The following AKAP13 variants were observed in gnomAD, a reference collection of about 807,000 sequenced individuals.
The protein encoded by AKAP13 is A-kinase anchor protein 13.
A neutral mutation model predicts 264.5 loss-of-function variants in AKAP13; 80 were observed. The ratio of observed to expected loss-of-function variants is 0.30; its 90% CI spans 0.25 to 0.36. The LOEUF (loss-of-function observed/expected upper bound fraction) is 0.36. AKAP13 is among the 10% of genes least tolerant of loss of function. The pLI is 1.00. For missense variants in AKAP13, 3,712 were observed against 3,435.2 expected (o/e 1.08, Z -2.01); for synonymous variants, 1,380 against 1,250.2 (o/e 1.10, Z -2.19).
intron 5 of AKAP13, among the ~76,000 whole-genome samples, chr15:85,562,126 A>G (rs1247894137): frequency 6.6e-6 from 1 of 152,222 alleles, no homozygotes; most frequent in African/African-American, 2.4e-5. Context: ...ACGAGAGTAA[A>G]TGAGATGATG....
At chr15:85,455,798 T>G (rs968173631) in intron 1 of AKAP13, among the ~76,000 whole-genome samples, 1 of 152,118 alleles carries the variant, frequency 6.6e-6, no homozygotes, top group African/African-American at 2.4e-5. Flanking sequence ...GATTACAGAT[T>G]GTTGAATCTA....
At chr15:85,673,044 A>T (rs1314427692) in intron 14 of AKAP13, among the ~76,000 whole-genome samples, 2 of 152,182 alleles carry the variant, frequency 1.3e-5, no homozygotes, top group East Asian at 3.8e-4. Flanking sequence ...TAAAGAAATT[A>T]TTAGTTTCCT....
At chr15:85,413,675 C>G (rs550384236) in intron 1 of AKAP13, among the ~76,000 whole-genome samples, 4 of 152,176 alleles carry the variant, frequency 2.6e-5, no homozygotes, top group African/African-American at 9.7e-5. Flanking sequence ...TGTGTCATCA[C>G]GGTTTCAGCT....
chr15:85,529,236 G>A (rs961677273), intron 3 of AKAP13, among the ~76,000 whole-genome samples: 5 of 152,030 alleles, frequency 3.3e-5, no homozygotes, highest in Non-Finnish European at 7.4e-5. Flanking sequence ...CCTGGCTAAT[G>A]CAATGAAACC....
In AKAP13 at chr15:85,638,934, A is replaced by G. The variant is rs528872790; in HGVS notation, c.4162-440A>G. Among the ~76,000 whole-genome samples the G allele has an allele frequency of 2.6e-5, 4 of 151,802 alleles. No homozygotes were observed. In the South Asian group the frequency reaches 8.3e-4, roughly 31 times the overall value. On this transcript the variant is annotated intron_variant, in intron 8 of 36. Coordinates refer to ENST00000394518, the MANE Select transcript of AKAP13 (RefSeq NM_007200.5). ...ACCACCATGCCTGGGTAAATTTTGT[A>G]TTTTAGTAGAGATGGGGTTTTGCCA...
rs75826907 is a variant in AKAP13 at position 85,644,117 on chromosome 15, T to C, written c.4238-1701T>C. Among the ~76,000 whole-genome samples the C allele has an allele frequency of 1.4e-4, 21 of 152,286 alleles. No homozygotes were observed. In the East Asian group the frequency reaches 3.9e-3, roughly 28 times the overall value. On this transcript the variant is annotated intron_variant, in intron 9 of 36. Transcript: ENST00000394518. ...TTTAACTCCTAGATAGCCAGGTTTC[T>C]TGCCCTGTCCCTCATCATTTAGTGT...
intron 6 of AKAP13, among the ~76,000 whole-genome samples, chr15:85,576,438 G>A (rs74025621): frequency 0.018 from 2,682 of 152,220 alleles, 84 homozygotes; most frequent in African/African-American, 0.062. Flanking sequence ...TCAAGATAAA[G>A]TTGTTGCCAG....
intron 1 of AKAP13, among the ~76,000 whole-genome samples, chr15:85,453,470 G>A (rs1444578650): frequency 6.6e-6 from 1 of 152,234 alleles, no homozygotes; most frequent in East Asian, 1.9e-4. Flanking sequence ...CTGTGAAACA[G>A]CAAAGATGGC....
intron 8 of AKAP13, among the ~76,000 whole-genome samples, chr15:85,595,242 G>A (rs1401317089): frequency 4.6e-5 from 7 of 151,988 alleles, no homozygotes; most frequent in African/African-American, 1.7e-4. Flanking sequence ...TGAGACCACA[G>A]GTGCGAGCCA....
chr15:85,389,758 AT>A (rs1380964465), intron 1 of AKAP13: 6 of 152,256 alleles, frequency 3.9e-5, no homozygotes, highest in African/African-American at 1.2e-4. Context: ...AAAGAAATGA[AT>A]TGCTATGGTG....
intron 31 of AKAP13, 31 bp from the exon 32 acceptor site, chr15:85,735,528 TA>T (rs367968392): frequency 3.9e-3 from 4,678 of 1,190,446 alleles, no homozygotes; most frequent in Non-Finnish European, 4.1e-3. Context: ...TTCACAACTT[TA>T]AAAAAAAAAA....
At chr15:85,456,958 A>T (rs1299430640) in intron 1 of AKAP13, among the ~76,000 whole-genome samples, 3 of 152,178 alleles carry the variant, frequency 2.0e-5, no homozygotes, top group Non-Finnish European at 4.4e-5. Context: ...AGTAATGACT[A>T]TAGTTTATTA....
In AKAP13 at chr15:85,689,630, T is replaced by A. The variant is rs1054955426; in HGVS notation, c.5290-3647T>A. ...AGGCAACTTCACTGAAAAGTTTTCTTATGAAACTCACTGCATTTTACAAAA... is the reference window on the plus strand; with the variant it reads ...AGGCAACTTCACTGAAAAGTTTTCTAATGAAACTCACTGCATTTTACAAAA... On this transcript the variant is annotated intron_variant, in intron 16 of 36. Transcript: ENST00000394518. Among the ~76,000 whole-genome samples the A allele has an allele frequency of 3.9e-5, 6 of 152,190 alleles. 1 individual carries two copies. Among genetic ancestry groups the A allele is most frequent in the Admixed American group, 2.6e-4 (4 of 15,276 alleles).
intron 8 of AKAP13, among the ~76,000 whole-genome samples, chr15:85,636,456 T>C (rs1365977506): frequency 6.6e-6 from 1 of 152,232 alleles, no homozygotes; most frequent in African/African-American, 2.4e-5. Flanking sequence ...AATGGACATC[T>C]TTGGTTACTG....
At chr15:85,684,348 A>G (rs200940161) in intron 15 of AKAP13, 1 of 154,304 alleles carries the variant, frequency 6.5e-6, no homozygotes, top group East Asian at 1.9e-4. Context: ...GATTGTGTGA[A>G]GCCAGGAGTT....
At chr15:85,603,284 A>T (rs916795652) in intron 8 of AKAP13, among the ~76,000 whole-genome samples, 5 of 152,244 alleles carry the variant, frequency 3.3e-5, no homozygotes, top group African/African-American at 9.6e-5. Context: ...ACAGAATTTT[A>T]AAAAGGTGTG....
At chr15:85,519,334 A>G (rs2151147172) in intron 2 of AKAP13, among the ~76,000 whole-genome samples, 1 of 152,164 alleles carries the variant, frequency 6.6e-6, no homozygotes, top group Non-Finnish European at 1.5e-5. Flanking sequence ...TAACCCCCAC[A>G]CCCGCCCCCA....
At position 85,580,692 on chromosome 15, in the gene AKAP13, C is replaced by T. The variant is rs768508725; in HGVS notation, c.2624C>T (p.Pro875Leu). The T allele has an allele frequency of 3.1e-6, 5 of 1,614,032 alleles. No individual in the cohort carries two copies. The highest frequency in any genetic ancestry group is 3.3e-5 in the Admixed American group (2 of 60,008). Residue 875 changes from proline (P) to leucine (L), a missense_variant, in exon 7 of 37, where the codon CCC becomes CTC. By Grantham distance (98) the Pro-to-Leu change is moderately conservative (BLOSUM62 -3). Around this residue, in one of 3 missense-constraint regions of AKAP13, gnomAD observed 2,759 missense variants for 2,411.7 expected, o/e 1.14. Coordinates refer to ENST00000394518, the MANE Select transcript of AKAP13 (RefSeq NM_007200.5). The stretch of plus-strand genomic sequence containing the variant: ...GGACTTGGTGGAGAGCATGAGGGTC[C>T]CGCCCCTCCAGCAATCCCAGAAGCT... Reference protein sequence around the residue: ...LTGLGGEHEGPAPPAIPEALN... With the variant: ...LTGLGGEHEGLAPPAIPEALN...
At chr15:85,692,564 C>T (rs576537579) in intron 16 of AKAP13, among the ~76,000 whole-genome samples, 1 of 152,192 alleles carries the variant, frequency 6.6e-6, no homozygotes, top group Admixed American at 6.5e-5. Flanking sequence ...GAACCGAGGT[C>T]TGGTACCATC....
Sources: allele counts gnomAD v4.1 joint callset (sites outside exome capture counted in the v4.1 genomes callset), GRCh38; gene constraint gnomAD v4.1.1; regional missense constraint gnomAD v4.1.1; transcripts MANE v1.5; gene names NCBI Gene and HGNC (gene_info 2026-07-23, HGNC 2026-07-21).